Variants in ZNF385D observed in about 807,000 individuals in gnomAD.
ZNF385D encodes the protein zinc finger protein 659.
Under a neutral mutation model 35.8 loss-of-function variants are expected in ZNF385D, and 15 were observed. The ratio of observed to expected loss-of-function variants is 0.42; its 90% CI spans 0.28 to 0.64. The LOEUF (loss-of-function observed/expected upper bound fraction) is 0.64, where lower values mean the gene tolerates loss of function less well. Among genes scored for constraint, ZNF385D ranks in the 30% least tolerant of loss-of-function variants. The pLI, the probability that ZNF385D is intolerant of heterozygous loss-of-function variation, is 0.23. For synonymous variants in ZNF385D, 212 were observed against 186.8 expected, an observed-to-expected ratio of 1.13 and a Z score of -1.10; for missense variants, 474 against 494.6, an observed-to-expected ratio of 0.96 and a Z score of 0.39.
intron 1 of ZNF385D, among the ~76,000 whole-genome samples, chr3:21,723,979 G>C (rs1021487945): frequency 5.9e-5 from 9 of 152,176 alleles, no homozygotes; most frequent in African/African-American, 2.4e-5. Context: ...AGCCAGAAGA[G>C]AGTGGGGGCC....
intron 2 of ZNF385D, among the ~76,000 whole-genome samples, chr3:22,275,837 C>A (rs769618975): frequency 2.6e-5 from 4 of 152,144 alleles, no homozygotes; most frequent in African/African-American, 7.2e-5. Context: ...GTAATCCCTG[C>A]ACTTTGGGAG....
chr3:21,682,681 A>G (rs1286531268), intron 1 of ZNF385D, among the ~76,000 whole-genome samples: 1 of 150,144 alleles, frequency 6.7e-6, no homozygotes, highest in Non-Finnish European at 1.5e-5. Context: ...GAACTGGATG[A>G]AACCTTAGCA....
Position 21,564,707 on chromosome 3 carries a change from C to CAACA in ZNF385D, c.166-27_166-24dup. The CAACA allele has an allele frequency of 2.1e-6, 3 of 1,431,854 alleles. No individual in the cohort carries two copies. The South Asian group carries it at 4.1e-5, about 20-fold the overall frequency. The allele number at this position is 1,431,854 out of a possible 1,614,324, so 88.7% of individuals were successfully genotyped here. On this transcript the variant is annotated intron_variant, in intron 2 of 7. Coordinates refer to ENST00000281523, the MANE Select transcript of ZNF385D (RefSeq NM_024697.3). ...CATCTGTAATGAGAAAAAAGAAATACAACAAATAGAAATAAAGCTTGTCAG... is the reference window on the plus strand; with the variant it reads ...CATCTGTAATGAGAAAAAAGAAATACAACAAACAAATAGAAATAAAGCTTGTCAG...
intron 2 of ZNF385D, among the ~76,000 whole-genome samples, chr3:21,641,222 C>A (rs2065595244): frequency 6.6e-6 from 1 of 152,010 alleles, no homozygotes; most frequent in Non-Finnish European, 1.5e-5. Flanking sequence ...GAAATCACTC[C>A]CTACCTTCCA....
chr3:21,540,150 C>T (rs956585692), intron 3 of ZNF385D, among the ~76,000 whole-genome samples: 3 of 152,106 alleles, frequency 2.0e-5, no homozygotes, highest in Admixed American at 2.0e-4. Context: ...AGAAAGCTTA[C>T]TATGATAATA....
intron 3 of ZNF385D, among the ~76,000 whole-genome samples, chr3:21,800,392 T>C (rs1374927229): frequency 1.3e-5 from 2 of 152,316 alleles, no homozygotes; most frequent in African/African-American, 2.4e-5. Flanking sequence ...GAATTTCCTT[T>C]CATTTACTTA....
intron 3 of ZNF385D, among the ~76,000 whole-genome samples, chr3:22,160,839 G>C (rs924363254): frequency 1.3e-5 from 2 of 152,106 alleles, no homozygotes; most frequent in Non-Finnish European, 1.5e-5. Flanking sequence ...AGCTGACACG[G>C]TAGGTCAACT....
intron 3 of ZNF385D, among the ~76,000 whole-genome samples, chr3:22,103,155 C>G (rs1299725170): frequency 1.3e-5 from 2 of 150,078 alleles, no homozygotes; most frequent in Non-Finnish European, 3.0e-5. Context: ...TCTCAAGATA[C>G]TGCGGTTGTA....
chr3:21,844,340 C>T (rs1374629755), intron 3 of ZNF385D, among the ~76,000 whole-genome samples: 4 of 150,836 alleles, frequency 2.7e-5, no homozygotes, highest in African/African-American at 9.9e-5. Flanking sequence ...AACAGAGGAT[C>T]ACTGGCTTTA....
At chr3:21,558,886 C>G (rs573837047) in intron 3 of ZNF385D, among the ~76,000 whole-genome samples, 1 of 151,168 alleles carries the variant, frequency 6.6e-6, no homozygotes, top group Non-Finnish European at 1.5e-5. Context: ...GTTAGCTCTT[C>G]TTGTTGTATT....
intron 3 of ZNF385D, among the ~76,000 whole-genome samples, chr3:21,938,768 T>C (rs1026081038): frequency 5.3e-5 from 8 of 152,218 alleles, no homozygotes; most frequent in African/African-American, 1.9e-4. Context: ...CATCTTTCTA[T>C]GTGTAATTCA....
chr3:22,187,431 A>G (rs1443748333), intron 2 of ZNF385D, among the ~76,000 whole-genome samples: 1 of 152,126 alleles, frequency 6.6e-6, no homozygotes, highest in Non-Finnish European at 1.5e-5. Context: ...CTTATAAAAT[A>G]TGAAAACTTT....
At chr3:21,595,355 A>C (rs2064098704) in intron 2 of ZNF385D, among the ~76,000 whole-genome samples, 1 of 151,824 alleles carries the variant, frequency 6.6e-6, no homozygotes, top group Non-Finnish European at 1.5e-5. Flanking sequence ...TGCCATTCTC[A>C]TTATATATAC....
chr3:21,506,530 C>T (rs1219376423), intron 4 of ZNF385D, among the ~76,000 whole-genome samples: 1 of 152,116 alleles, frequency 6.6e-6, no homozygotes, highest in East Asian at 1.9e-4. Context: ...TTTGTCATTT[C>T]ATAGAAGAAC....
At chr3:21,483,998 C>T (rs1424625270) in intron 4 of ZNF385D, among the ~76,000 whole-genome samples, 7 of 152,158 alleles carry the variant, frequency 4.6e-5, no homozygotes, top group South Asian at 4.1e-4. Flanking sequence ...AAACTGGCAT[C>T]GTAATTTGGA....
At chr3:22,040,644 A>C (rs748241753) in intron 3 of ZNF385D, among the ~76,000 whole-genome samples, 5 of 152,172 alleles carry the variant, frequency 3.3e-5, no homozygotes, top group Non-Finnish European at 7.4e-5. Context: ...CATGGTAAAG[A>C]ATTATGGGAA....
At chr3:22,136,977 T>C (rs1358530625) in intron 3 of ZNF385D, among the ~76,000 whole-genome samples, 1 of 152,178 alleles carries the variant, frequency 6.6e-6, no homozygotes, top group Non-Finnish European at 1.5e-5. Flanking sequence ...GCAGTAAAAC[T>C]ATTCTATATG....
At chr3:22,366,245 C>G (rs1435146071) in intron 2 of ZNF385D, among the ~76,000 whole-genome samples, 3 of 151,912 alleles carry the variant, frequency 2.0e-5, no homozygotes, top group Non-Finnish European at 4.4e-5. Flanking sequence ...CCAACTACAC[C>G]CAATACAAGT....
intron 3 of ZNF385D, among the ~76,000 whole-genome samples, chr3:21,859,047 G>A (rs879939068): frequency 6.6e-5 from 10 of 151,810 alleles, no homozygotes; most frequent in South Asian, 2.1e-4. Flanking sequence ...GGAAGTAGGC[G>A]GGGAGAGAAA....
Sources: gnomAD v4.1 joint callset for allele counts (sites outside exome capture counted in the v4.1 genomes callset) on GRCh38, gnomAD v4.1.1 for gene constraint, MANE v1.5 for transcripts, NCBI Gene and HGNC (gene_info 2026-07-23, HGNC 2026-07-21) for gene names.